PARD3B: variants seen among roughly 807,000 people sequenced by gnomAD.
PARD3B encodes the protein partitioning defective 3 homolog B.
A neutral mutation model predicts 130.2 loss-of-function variants in PARD3B; 103 were observed. The observed-to-expected ratio is 0.79, with a 90% CI of 0.67 to 0.93. The LOEUF is 0.93. Ranked by LOEUF, PARD3B falls within the 40% of genes least tolerant of loss-of-function variation. The probability of loss-of-function intolerance (pLI) is 0.00; values close to 1 mark genes in which losing one functional copy is unlikely to be tolerated. For synonymous variants in PARD3B, 583 were observed against 553.2 expected (o/e 1.05, Z -0.76); for missense variants, 1,609 against 1,499.2 (o/e 1.07, Z -1.21).
intron 2 of PARD3B, among the ~76,000 whole-genome samples, chr2:204,898,240 T>C (rs1258968423): frequency 6.6e-6 from 1 of 152,082 alleles, no homozygotes; most frequent in Non-Finnish European, 1.5e-5. Flanking sequence ...CATGTTATAT[T>C]TTGATACATA....
At chr2:204,586,840 C>T (rs1035049287) in intron 1 of PARD3B, among the ~76,000 whole-genome samples, 1 of 152,118 alleles carries the variant, frequency 6.6e-6, no homozygotes, top group Non-Finnish European at 1.5e-5. Context: ...AAACTTTAAA[C>T]ATTTTGTACC....
Position 205,276,642 on chromosome 2 carries a change from C to T in PARD3B, c.2186-23888C>T, listed in dbSNP as rs776777189. On this transcript the variant is annotated intron_variant, in intron 16 of 22. Transcript: ENST00000406610. The surrounding 1 kb of genome is among the most constrained non-coding windows in gnomAD (Gnocchi z 5.0). ...GGAAGTCAGAGAAGCTCCAAAGTGGCTTGCAGCGCTTTATCAGCCGACATT... is the reference window on the plus strand; with the variant it reads ...GGAAGTCAGAGAAGCTCCAAAGTGGTTTGCAGCGCTTTATCAGCCGACATT... 1.4e-4 allele frequency among the ~76,000 whole-genome samples: 21 copies of T among 152,268 alleles called. No homozygotes were observed. The highest frequency in any genetic ancestry group is 3.6e-4 in the African/African-American group (15 of 41,546).
At chr2:205,088,707 G>T (rs974228479) in intron 4 of PARD3B, among the ~76,000 whole-genome samples, 8 of 151,828 alleles carry the variant, frequency 5.3e-5, no homozygotes, top group African/African-American at 1.9e-4. Flanking sequence ...CTGCCTCCTG[G>T]TCTCAACCTC....
At chr2:205,186,660 G>A (rs1278891983) in intron 14 of PARD3B, among the ~76,000 whole-genome samples, 2 of 152,118 alleles carry the variant, frequency 1.3e-5, no homozygotes. Flanking sequence ...ATGCCTTAGA[G>A]TATAGCTAAC....
At chr2:204,570,749 T>C (rs112221144) in intron 1 of PARD3B, among the ~76,000 whole-genome samples, 1 of 150,386 alleles carries the variant, frequency 6.6e-6, no homozygotes, top group Non-Finnish European at 1.5e-5. Flanking sequence ...TGAGCTGTTG[T>C]AACTGAGGTG....
chr2:205,617,018 G>T lies in PARD3B; in HGVS notation c.*1205G>T, dbSNP rs1438547605. ...AGTTTGATGCAAAAGTGGGGGAAAC[G>T]GAGAAAAGGCGCTAAGGCTAAATCC... On this transcript the variant is annotated 3_prime_UTR_variant, in exon 23 of 23. Coordinates refer to ENST00000406610, the MANE Select transcript of PARD3B (RefSeq NM_001302769.2). 5 of 154,306 alleles carry T rather than the reference G, an allele frequency of 3.2e-5. No homozygotes were observed. Among genetic ancestry groups the T allele is most frequent in the Non-Finnish European group, 7.3e-5 (5 of 68,200 alleles). The allele number at this position is 154,306 out of a possible 1,614,324, so 9.6% of individuals were successfully genotyped here.
chr2:205,581,257 T>TATAGATATAGATATAG (rs2053958876), intron 22 of PARD3B, among the ~76,000 whole-genome samples: 6 of 120,928 alleles, frequency 5.0e-5, no homozygotes, highest in African/African-American at 1.7e-4. Context: ...TATAGATATA[T>TATAGATATAGATATAG]ATAGATATAG....
intron 21 of PARD3B, among the ~76,000 whole-genome samples, chr2:205,506,030 A>G (rs1381708128): frequency 6.6e-6 from 1 of 152,112 alleles, no homozygotes; most frequent in Non-Finnish European, 1.5e-5. Context: ...ACCTGTTACC[A>G]CTGTCATTAA....
chr2:204,706,366 CA>C lies in PARD3B; in HGVS notation c.222+20097del, dbSNP rs796492468. Among the ~76,000 whole-genome samples the C allele has an allele frequency of 3.7e-3, 326 of 87,166 alleles. 1 individual carries two copies. The highest frequency in any genetic ancestry group is 6.6e-3 in the African/African-American group (164 of 24,994). 57.2% of individuals were successfully genotyped at this position (87,166 alleles called of 152,430 possible). The stretch of plus-strand genomic sequence containing the variant: ...TGGGCGACAGAGTGAGACTCTGTCT[CA>C]AAAAAAAAAAAAGAAAAAGAAAAAG... On this transcript the variant is annotated intron_variant, in intron 2 of 22. Coordinates refer to ENST00000406610, the MANE Select transcript of PARD3B (RefSeq NM_001302769.2).
In PARD3B at chr2:204,731,695, G is replaced by A. The variant is rs11901924; in HGVS notation, c.222+45413G>A. 3.6e-3 allele frequency among the ~76,000 whole-genome samples: 544 copies of A among 152,200 alleles called. 2 individuals carry two copies. Among genetic ancestry groups the A allele is most frequent in the African/African-American group, 0.012 (503 of 41,540 alleles). On this transcript the variant is annotated intron_variant, in intron 2 of 22. Coordinates refer to ENST00000406610, the MANE Select transcript of PARD3B (RefSeq NM_001302769.2). Reference sequence around the variant, plus strand: ...GGTTACAATCATGAAAAATATGAATGAAAATTTTAACCAAATAAAAATTGG... The same window carrying A: ...GGTTACAATCATGAAAAATATGAATAAAAATTTTAACCAAATAAAAATTGG...
intron 16 of PARD3B, among the ~76,000 whole-genome samples, chr2:205,289,259 G>T (rs969414478): frequency 1.3e-5 from 2 of 152,108 alleles, no homozygotes; most frequent in Non-Finnish European, 1.5e-5. Context: ...TTCAGAGCTA[G>T]TAATGACCCT....
intron 4 of PARD3B, among the ~76,000 whole-genome samples, chr2:205,053,712 G>T (rs1699396430): frequency 6.6e-6 from 1 of 151,422 alleles, no homozygotes; most frequent in Non-Finnish European, 1.5e-5. Context: ...TTTTTCTGTA[G>T]AATCAAATAT....
At chr2:204,989,975 T>C (rs997485584) in intron 3 of PARD3B, among the ~76,000 whole-genome samples, 1 of 152,144 alleles carries the variant, frequency 6.6e-6, no homozygotes, top group African/African-American at 2.4e-5. Context: ...AATATATTAC[T>C]TTTGAAATAT....
rs1334801756 is a variant in PARD3B at position 205,176,654 on chromosome 2, A to C, written c.1924+77A>C. Reference sequence around the variant, plus strand: ...GTGTCTTTTTATCTAAAAAAAAAAAAAAAGAGTAAAGGGGAGTTAATTAGA... The same window carrying C: ...GTGTCTTTTTATCTAAAAAAAAAAACAAAGAGTAAAGGGGAGTTAATTAGA... On this transcript the variant is annotated intron_variant, in intron 13 of 22. Coordinates refer to ENST00000406610, the MANE Select transcript of PARD3B (RefSeq NM_001302769.2). This position sits in a 1 kb window ranked among gnomAD's most constrained non-coding sequence, Gnocchi z 5.3. 2 of 1,411,678 alleles carry C rather than the reference A, an allele frequency of 1.4e-6. No homozygotes were observed. Among genetic ancestry groups the C allele is most frequent in the Middle Eastern group, 1.9e-4 (1 of 5,310 alleles). The allele number at this position is 1,411,678 out of a possible 1,614,324, so 87.4% of individuals were successfully genotyped here.
intron 4 of PARD3B, among the ~76,000 whole-genome samples, chr2:205,086,360 G>A (rs1701741773): frequency 6.6e-6 from 1 of 152,146 alleles, no homozygotes; most frequent in Non-Finnish European, 1.5e-5. Context: ...ATCTCATGTG[G>A]CCTCTTTATT....
intron 22 of PARD3B, among the ~76,000 whole-genome samples, chr2:205,610,959 A>G (rs116068827): frequency 0.01 from 1,556 of 152,296 alleles, 39 homozygotes; most frequent in South Asian, 0.086. Flanking sequence ...TCTTGAACAA[A>G]TTCAACATAC....
chr2:204,685,473 C>T (rs192338449), intron 1 of PARD3B, among the ~76,000 whole-genome samples: 35 of 152,138 alleles, frequency 2.3e-4, no homozygotes, highest in African/African-American at 7.7e-4. Context: ...ATTCTAAATT[C>T]TAGAATCAGA....
At position 204,711,460 on chromosome 2, in the gene PARD3B, A is replaced by G. The variant is rs1422145399; in HGVS notation, c.222+25178A>G. On this transcript the variant is annotated intron_variant, in intron 2 of 22. Transcript: ENST00000406610. ...TAACAGCTACTAATAGGTAGGTAAT[A>G]GGTATATGTGATCTCTGTGTTATGT... Among the ~76,000 whole-genome samples, 5 of 152,222 alleles carry G rather than the reference A, an allele frequency of 3.3e-5. No individual in the cohort carries two copies. In the East Asian group the frequency reaches 9.6e-4, roughly 29 times the overall value.
chr2:204,613,059 T>C (rs1320455864), intron 1 of PARD3B, among the ~76,000 whole-genome samples: 2 of 152,168 alleles, frequency 1.3e-5, no homozygotes, highest in African/African-American at 4.8e-5. Flanking sequence ...ATTTTTTTTC[T>C]CTTTCCCTGG....
Sources: allele counts gnomAD v4.1 joint callset (sites outside exome capture counted in the v4.1 genomes callset), GRCh38; gene constraint gnomAD v4.1.1; non-coding constraint Gnocchi (gnomAD v3.1); transcripts MANE v1.5; gene names NCBI Gene and HGNC (gene_info 2026-07-23, HGNC 2026-07-21).